CNTNAP2: variants seen among roughly 807,000 people sequenced by gnomAD.
The protein encoded by CNTNAP2 is contactin-associated protein-like 2.
A neutral mutation model predicts 155.2 loss-of-function variants in CNTNAP2; 98 were observed. The observed-to-expected ratio is 0.63, with a 90% CI of 0.54 to 0.75. The LOEUF (loss-of-function observed/expected upper bound fraction) is 0.75, where lower values mean the gene tolerates loss of function less well. Ranked by LOEUF, CNTNAP2 falls within the 30% of genes least tolerant of loss-of-function variation. The pLI is 0.00. For synonymous variants in CNTNAP2, 651 were observed against 631.2 expected (o/e 1.03, Z -0.47); for missense variants, 1,727 against 1,688.1 (o/e 1.02, Z -0.40).
intron 14 of CNTNAP2, among the ~76,000 whole-genome samples, chr7:147,911,596 T>C (rs1800068195): frequency 6.6e-6 from 1 of 152,202 alleles, no homozygotes; most frequent in African/African-American, 2.4e-5. Context: ...TAATGTAAAG[T>C]TCCAACCATT....
intron 1 of CNTNAP2, among the ~76,000 whole-genome samples, chr7:146,610,333 GA>G (rs1163079454): frequency 6.6e-6 from 1 of 152,118 alleles, no homozygotes; most frequent in Non-Finnish European, 1.5e-5. Flanking sequence ...TGGAAGACTT[GA>G]CATGGCAGGA....
At chr7:147,564,692 G>C (rs959713269) in intron 12 of CNTNAP2, among the ~76,000 whole-genome samples, 13 of 152,144 alleles carry the variant, frequency 8.5e-5, no homozygotes, top group Non-Finnish European at 1.9e-4. Flanking sequence ...ACTCTCAGGA[G>C]AGCTTCTCCT....
At chr7:147,149,598 G>T (rs896541112) in intron 8 of CNTNAP2, among the ~76,000 whole-genome samples, 4 of 152,186 alleles carry the variant, frequency 2.6e-5, no homozygotes, top group African/African-American at 9.7e-5. Flanking sequence ...GGAATTGAAT[G>T]ATATGATTTT....
chr7:146,927,723 C>T (rs983452288), intron 3 of CNTNAP2, among the ~76,000 whole-genome samples: 1 of 151,680 alleles, frequency 6.6e-6, no homozygotes, highest in Non-Finnish European at 1.5e-5. Flanking sequence ...TGGTCCTAAC[C>T]CTGATCACCA....
At chr7:147,930,983 T>G (rs970224526) in intron 14 of CNTNAP2, among the ~76,000 whole-genome samples, 1 of 152,006 alleles carries the variant, frequency 6.6e-6, no homozygotes, top group African/African-American at 2.4e-5. Flanking sequence ...AATTAGAAAA[T>G]GTCTCACGAC....
chr7:148,097,089 A>T (rs1443379138), intron 15 of CNTNAP2, among the ~76,000 whole-genome samples: 1 of 152,160 alleles, frequency 6.6e-6, no homozygotes, highest in East Asian at 1.9e-4. Context: ...TGTCTTTGTG[A>T]GGTATTATGG....
chr7:146,530,020 T>C (rs1330216180), intron 1 of CNTNAP2, among the ~76,000 whole-genome samples: 1 of 151,434 alleles, frequency 6.6e-6, no homozygotes, highest in Non-Finnish European at 1.5e-5. Flanking sequence ...GGCATTTCTC[T>C]GCAAAAGGGG....
intron 8 of CNTNAP2, among the ~76,000 whole-genome samples, chr7:147,246,044 C>A (rs532008193): frequency 6.8e-4 from 101 of 147,946 alleles, no homozygotes; most frequent in Non-Finnish European, 1.2e-3. Flanking sequence ...ATATAACGTG[C>A]ATATATATAT....
At chr7:147,143,449 C>A (rs1801640227) in intron 8 of CNTNAP2, among the ~76,000 whole-genome samples, 1 of 152,098 alleles carries the variant, frequency 6.6e-6, no homozygotes, top group South Asian at 2.1e-4. Context: ...ATACTCTGTT[C>A]AAAAATGCTT....
At chr7:148,191,219 T>G (rs891350399) in intron 18 of CNTNAP2, among the ~76,000 whole-genome samples, 1 of 152,040 alleles carries the variant, frequency 6.6e-6, no homozygotes, top group Non-Finnish European at 1.5e-5. Context: ...CAATTCCTTA[T>G]AAAAGAACAA....
At chr7:148,163,455 G>T (rs1053056444) in intron 17 of CNTNAP2, among the ~76,000 whole-genome samples, 9 of 152,130 alleles carry the variant, frequency 5.9e-5, no homozygotes, top group Admixed American at 2.0e-4. Context: ...CACCCCCATT[G>T]CATAACATTT....
At chr7:147,527,456 A>G (rs945184503) in intron 11 of CNTNAP2, among the ~76,000 whole-genome samples, 3 of 152,232 alleles carry the variant, frequency 2.0e-5, no homozygotes, top group Non-Finnish European at 2.9e-5. Context: ...CAGTATGCGC[A>G]GCGTTATACC....
rs113383964 is a variant in CNTNAP2 at position 148,390,574 on chromosome 7, A to G, written c.3715+6686A>G. On this transcript the variant is annotated intron_variant, in intron 22 of 23. Transcript: ENST00000361727. ...TCCATACCTATACCAGGATGTTTGC[A>G]TACCTATACCAGGATGTTTGTTTTG... Among the ~76,000 whole-genome samples, 1,143 of 151,404 alleles carry G rather than the reference A, an allele frequency of 7.5e-3. 15 individuals are homozygous for G. Among genetic ancestry groups the G allele is most frequent in the African/African-American group, 0.026 (1,080 of 40,846 alleles).
At chr7:146,832,526 T>C (rs1159404198) in intron 2 of CNTNAP2, among the ~76,000 whole-genome samples, 15 of 147,946 alleles carry the variant, frequency 1.0e-4, no homozygotes, top group Non-Finnish European at 3.0e-5. Flanking sequence ...TATGTACATA[T>C]TAATATATAT....
rs149548122 is a variant in CNTNAP2 at position 147,918,064 on chromosome 7, C to G, written c.2255+14343C>G. Among the ~76,000 whole-genome samples the G allele has an allele frequency of 1.4e-4, 21 of 152,270 alleles. No individual in the cohort carries two copies. The East Asian group carries it at 3.5e-3, about 25-fold the overall frequency. ...CACACCCCTCATGTCTAGCAAAAGT[C>G]CATGCATAAAAGGCCTGCTTCCTGA... On this transcript the variant is annotated intron_variant, in intron 14 of 23. Coordinates refer to ENST00000361727, the MANE Select transcript of CNTNAP2 (RefSeq NM_014141.6).
chr7:147,204,821 C>A (rs1226118227), intron 8 of CNTNAP2, among the ~76,000 whole-genome samples: 1 of 152,008 alleles, frequency 6.6e-6, no homozygotes, highest in African/African-American at 2.4e-5. Flanking sequence ...TAATACTAAG[C>A]AATTCAGAAA....
intron 1 of CNTNAP2, among the ~76,000 whole-genome samples, chr7:146,612,069 C>T (rs1799147328): frequency 1.3e-5 from 2 of 152,122 alleles, no homozygotes; most frequent in East Asian, 1.9e-4. Context: ...ATTACAGCCC[C>T]AAGCTTTATT....
intron 16 of CNTNAP2, among the ~76,000 whole-genome samples, chr7:148,126,748 G>A (rs55715066): frequency 0.019 from 2,851 of 152,166 alleles, 56 homozygotes; most frequent in Non-Finnish European, 0.024. Flanking sequence ...CAATATGAAC[G>A]GGGAGAGGAC....
intron 1 of CNTNAP2, among the ~76,000 whole-genome samples, chr7:146,739,711 G>A (rs1449708885): frequency 6.6e-6 from 1 of 151,760 alleles, no homozygotes; most frequent in Non-Finnish European, 1.5e-5. Context: ...TTTCTGCCTG[G>A]GTGATCTGTC....
Sources: allele counts gnomAD v4.1 joint callset (sites outside exome capture counted in the v4.1 genomes callset), GRCh38; gene constraint gnomAD v4.1.1; transcripts MANE v1.5; gene names NCBI Gene and HGNC (gene_info 2026-07-23, HGNC 2026-07-21).